The following PDXDC1 variants were observed in gnomAD, a reference collection of about 807,000 sequenced individuals.
The protein encoded by PDXDC1 is pyridoxal-dependent decarboxylase domain-containing protein 1.
PDXDC1 carries 42 observed loss-of-function variants against 100.1 expected under a neutral mutation model. The ratio of observed to expected loss-of-function variants is 0.42; its 90% CI spans 0.33 to 0.54. The LOEUF (loss-of-function observed/expected upper bound fraction) is 0.54, where lower values mean the gene tolerates loss of function less well. PDXDC1 is among the 20% of genes least tolerant of loss of function. The probability of loss-of-function intolerance (pLI) is 0.10; values close to 1 mark genes in which losing one functional copy is unlikely to be tolerated. For missense variants in PDXDC1, 636 were observed against 979.2 expected, an observed-to-expected ratio of 0.65 and a Z score of 4.68; for synonymous variants, 260 against 371.7, an observed-to-expected ratio of 0.70 and a Z score of 3.46.
chr16:14,986,295 C>T (rs1446348871), intron 1 of PDXDC1, among the ~76,000 whole-genome samples: 7 of 152,260 alleles, frequency 4.6e-5, no homozygotes, highest in African/African-American at 1.4e-4. Flanking sequence ...GGTAAGATCC[C>T]GTCTCTACTA....
At chr16:15,008,177 T>TA (rs1333148714) in intron 6 of PDXDC1, among the ~76,000 whole-genome samples, 1 of 152,296 alleles carries the variant, frequency 6.6e-6, no homozygotes, top group Non-Finnish European at 1.5e-5. Flanking sequence ...TACCAAGTCT[T>TA]AGTCATACAG....
chr16:15,095,862 GTGTGT>G (rs1453454460), intron 16 of PDXDC1, among the ~76,000 whole-genome samples: 3 of 10,748 alleles, frequency 2.8e-4, no homozygotes, highest in Admixed American at 3.0e-3. Flanking sequence ...AAAAAAAAAG[GTGTGT>G]GTGTGTGTGT....
rs1037163197 is a variant in PDXDC1 at position 15,038,320 on chromosome 16, C to T, written c.*2045C>T. On this transcript the variant is annotated 3_prime_UTR_variant, in exon 23 of 23. Coordinates refer to ENST00000396410, the MANE Select transcript of PDXDC1 (RefSeq NM_015027.4). ...GGACACAAATATATATAATAAAATA[C>T]GTTAAGAAATGAGGTGGCCTGAATT... The T allele has an allele frequency of 2.0e-5, 16 of 801,448 alleles. No homozygotes were observed. In the African/African-American group the frequency reaches 2.1e-4, roughly 11 times the overall value. 49.6% of individuals were successfully genotyped at this position (801,448 alleles called of 1,614,324 possible). A position where few individuals can be genotyped will look rare whatever the true frequency, so the allele number is the denominator to read the frequency against.
intron 16 of PDXDC1, among the ~76,000 whole-genome samples, chr16:15,084,229 A>G (rs2045824716): frequency 6.6e-6 from 1 of 152,184 alleles, no homozygotes; most frequent in South Asian, 2.1e-4. Flanking sequence ...TAAGTTAACA[A>G]ATAATCAACG....
At chr16:15,144,816 G>T in the PDXDC1 span, among the ~76,000 whole-genome samples, 1 of 152,196 alleles carries the variant, frequency 6.6e-6, no homozygotes, top group South Asian at 2.1e-4. Context: ...AACACAGCCA[G>T]CTCAAAAAGG....
At chr16:15,039,372 G>A (rs1389054814), downstream of PDXDC1, among the ~76,000 whole-genome samples, 1 of 152,120 alleles carries the variant, frequency 6.6e-6, no homozygotes, top group Non-Finnish European at 1.5e-5. Context: ...CTTTGGGGTG[G>A]CCTGAATGTG....
Position 15,038,320 on chromosome 16 carries a change from CG to C in PDXDC1, c.*2046del, listed in dbSNP as rs1415085733. 8 of 801,448 alleles carry C rather than the reference CG, an allele frequency of 1.0e-5. No homozygotes were observed. Among genetic ancestry groups the C allele is most frequent in the Non-Finnish European group, 1.6e-5 (8 of 513,388 alleles). 49.6% of individuals were successfully genotyped at this position (801,448 alleles called of 1,614,324 possible). A position where few individuals can be genotyped will look rare whatever the true frequency, so the allele number is the denominator to read the frequency against. Reference sequence around the variant, plus strand: ...GGACACAAATATATATAATAAAATACGTTAAGAAATGAGGTGGCCTGAATTA... The same window carrying C: ...GGACACAAATATATATAATAAAATACTTAAGAAATGAGGTGGCCTGAATTA... On this transcript the variant is annotated 3_prime_UTR_variant, in exon 23 of 23. Coordinates refer to ENST00000396410, the MANE Select transcript of PDXDC1 (RefSeq NM_015027.4).
intron 1 of PDXDC1, among the ~76,000 whole-genome samples, chr16:14,993,984 G>A (rs1250533600): frequency 6.6e-6 from 1 of 152,282 alleles, no homozygotes; most frequent in Non-Finnish European, 1.5e-5. Flanking sequence ...ACTTTTTGAT[G>A]GGGTTGTTTT....
intron 6 of PDXDC1, among the ~76,000 whole-genome samples, chr16:15,007,157 CTTTTTTTTTTTTTTTTT>C (rs56256230): frequency 9.5e-5 from 7 of 73,958 alleles, no homozygotes; most frequent in East Asian, 7.5e-4. Flanking sequence ...AAGAGCATGA[CTTTTTTTTTTTTTTTTT>C]TTTTTTTTTT....
chr16:14,981,834 C>CG (rs1555541206), intron 1 of PDXDC1, among the ~76,000 whole-genome samples: 4 of 149,142 alleles, frequency 2.7e-5, no homozygotes, highest in African/African-American at 9.8e-5. Context: ...TCTTTTGTTT[C>CG]TTTTTTTTTT....
At chr16:15,054,709 T>G (rs1259615244) in intron 16 of PDXDC1, among the ~76,000 whole-genome samples, 1 of 152,178 alleles carries the variant, frequency 6.6e-6, no homozygotes, top group African/African-American at 2.4e-5. Flanking sequence ...ACCTCATTTA[T>G]GCAGCAAATC....
chr16:15,023,598 G>T (rs2042364377), intron 13 of PDXDC1, among the ~76,000 whole-genome samples: 1 of 152,286 alleles, frequency 6.6e-6, no homozygotes, highest in Admixed American at 6.5e-5. Context: ...GGCGGAGGTT[G>T]CAGTGAGCCG....
At chr16:15,033,246 A>C in intron 18 of PDXDC1, 32 bp from the exon 19 acceptor site, 2 of 1,613,494 alleles carry the variant, frequency 1.2e-6, no homozygotes, top group Non-Finnish European at 1.7e-6. Flanking sequence ...CAGAGGACTG[A>C]GAAACTCAAG....
At chr16:15,043,234 C>T (rs890937332), downstream of PDXDC1, among the ~76,000 whole-genome samples, 1 of 152,120 alleles carries the variant, frequency 6.6e-6, no homozygotes, top group Non-Finnish European at 1.5e-5. Flanking sequence ...CAGAGTTTCA[C>T]CATGTTGCCC....
At chr16:15,033,572 G>C (rs2151647416) in intron 19 of PDXDC1, among the ~76,000 whole-genome samples, 173 bp downstream of exon 19, 1 of 152,344 alleles carries the variant, frequency 6.6e-6, no homozygotes, top group East Asian at 1.9e-4. Context: ...AAGTAGGTTT[G>C]ACACAGCCCA....
At chr16:15,010,265 C>G (rs2041148863) in intron 8 of PDXDC1, 1 of 158,172 alleles carries the variant, frequency 6.3e-6, no homozygotes, top group Non-Finnish European at 1.4e-5. Context: ...CCAGGCTGGT[C>G]TCGAACTCCT....
At position 15,114,933 on chromosome 16, in the gene PDXDC1, T is replaced by C. The variant is rs1257696563; in HGVS notation, c.1400-23946T>C. 9.3e-4 allele frequency among the ~76,000 whole-genome samples: 136 copies of C among 145,576 alleles called. 3 individuals are homozygous for C. The highest frequency in any genetic ancestry group is 3.1e-3 in the African/African-American group (125 of 40,010). Reference sequence around the variant, plus strand: ...TGATCTAAAAAAAAAAAAAATTTTTTTTTTTTTTTTTTTTTGAGACAGAGT... The same window carrying C: ...TGATCTAAAAAAAAAAAAAATTTTTCTTTTTTTTTTTTTTTGAGACAGAGT... On this transcript the variant is annotated intron_variant, in intron 16 of 16. Transcript: ENST00000535621.
intron 1 of PDXDC1, among the ~76,000 whole-genome samples, chr16:14,986,903 C>T (rs570675690): frequency 3.0e-4 from 46 of 152,402 alleles, no homozygotes; most frequent in Admixed American, 2.6e-3. Context: ...CACACCGCCA[C>T]GTCCAGCTAA....
At position 15,031,734 on chromosome 16, in the gene PDXDC1, G is replaced by C; in HGVS notation, c.1400-1G>C. On this transcript the variant is annotated splice_acceptor_variant, in intron 16 of 22. Transcript: ENST00000396410. LOFTEE classifies it high-confidence loss of function. ...TTCTCTGACATTGTGAACATCTTCA[G>C]TTTTAGGAACTCGGGGAGAGGATGT... 6.2e-7 allele frequency: 1 copy of C among 1,608,510 alleles called. No individual in the cohort carries two copies. Among genetic ancestry groups the C allele is most frequent in the Non-Finnish European group, 8.5e-7 (1 of 1,175,638 alleles).
Sources: allele counts gnomAD v4.1 joint callset (sites outside exome capture counted in the v4.1 genomes callset), GRCh38; gene constraint gnomAD v4.1.1; transcripts MANE v1.5; gene names NCBI Gene and HGNC (gene_info 2026-07-23, HGNC 2026-07-21).